Variants in NRXN1 observed in about 807,000 individuals in gnomAD.
NRXN1 encodes the protein neurexin-1.
A neutral mutation model predicts 150.9 loss-of-function variants in NRXN1; 39 were observed. The ratio of observed to expected loss-of-function variants is 0.26; its 90% CI spans 0.20 to 0.34. The LOEUF is 0.34. NRXN1 is among the 10% of genes least tolerant of loss of function. The pLI is 1.00. For synonymous variants in NRXN1, 924 were observed against 757.0 expected (o/e 1.22, Z -3.62); for missense variants, 1,815 against 1,949.9 (o/e 0.93, Z 1.30).
intron 5 of NRXN1, among the ~76,000 whole-genome samples, chr2:50,736,707 AT>A (rs1226105701): frequency 6.6e-6 from 1 of 152,044 alleles, no homozygotes; most frequent in African/African-American, 2.4e-5. Context: ...TTCTGCCATG[AT>A]TGTGAGGCCT....
At chr2:51,026,856 C>G (rs1392445817) in intron 2 of NRXN1, among the ~76,000 whole-genome samples, 2 of 152,142 alleles carry the variant, frequency 1.3e-5, no homozygotes, top group East Asian at 3.9e-4. Context: ...CAACATTATT[C>G]CAAAAAGCCT....
intron 17 of NRXN1, among the ~76,000 whole-genome samples, chr2:50,428,834 T>C (rs994316880): frequency 6.6e-6 from 1 of 152,224 alleles, no homozygotes; most frequent in African/African-American, 2.4e-5. Context: ...CTCTCATGAT[T>C]AAATCCATTT....
intron 18 of NRXN1, among the ~76,000 whole-genome samples, chr2:50,192,613 G>T (rs1178304659): frequency 6.6e-6 from 1 of 151,510 alleles, no homozygotes; most frequent in East Asian, 1.9e-4. Flanking sequence ...TTTTTTTTGG[G>T]GGGGGCGGTG....
chr2:50,008,567 G>C (rs1388596933), intron 21 of NRXN1, among the ~76,000 whole-genome samples: 1 of 150,338 alleles, frequency 6.7e-6, no homozygotes, highest in Non-Finnish European at 1.5e-5. Flanking sequence ...GCATCTTATG[G>C]TTCTTTTTGA....
At chr2:50,918,757 T>C in intron 5 of NRXN1, 1 of 312,048 alleles carries the variant, frequency 3.2e-6, no homozygotes. Flanking sequence ...GGCAAACAGA[T>C]AAACCTAAAT....
chr2:50,884,096 A>G (rs1050872746), intron 5 of NRXN1, among the ~76,000 whole-genome samples: 3 of 151,840 alleles, frequency 2.0e-5, no homozygotes, highest in Non-Finnish European at 4.4e-5. Context: ...ATGTTACTTC[A>G]AAACTTTTGA....
rs1211357810 is a variant in NRXN1 at position 50,643,287 on chromosome 2, T to C, written c.833-19672A>G. Among the ~76,000 whole-genome samples the C allele has an allele frequency of 3.9e-5, 6 of 152,086 alleles. No individual in the cohort carries two copies. In the East Asian group the frequency reaches 1.2e-3, roughly 29 times the overall value. ...CTATTTAAACATTCCAATCCTTTAT[T>C]TTCTCCTCAATAAATTGTAAAAAAA... On this transcript the variant is annotated intron_variant, in intron 5 of 22. Transcript: ENST00000401669.
intron 17 of NRXN1, among the ~76,000 whole-genome samples, chr2:50,287,867 A>T (rs1051717100): frequency 2.0e-5 from 3 of 152,134 alleles, no homozygotes; most frequent in African/African-American, 7.2e-5. Context: ...TATCTTTAAT[A>T]ACCTAGGAAG....
intron 5 of NRXN1, among the ~76,000 whole-genome samples, chr2:50,728,953 AATT>A (rs1357526193): frequency 2.5e-4 from 38 of 152,144 alleles, no homozygotes; most frequent in Non-Finnish European, 1.3e-4. Flanking sequence ...TGCTGGAAGT[AATT>A]ATTATCCATT....
chr2:50,744,243 T>C (rs1197203746), intron 5 of NRXN1, among the ~76,000 whole-genome samples: 1 of 152,020 alleles, frequency 6.6e-6, no homozygotes, highest in Non-Finnish European at 1.5e-5. Flanking sequence ...GTAAAAACAA[T>C]AATATTTTAA....
chr2:50,927,858 G>A (rs764585914), intron 2 of NRXN1, among the ~76,000 whole-genome samples: 3 of 151,810 alleles, frequency 2.0e-5, no homozygotes, highest in Non-Finnish European at 4.4e-5. Flanking sequence ...TTTTGGTAAA[G>A]TGTGGCCTAA....
At chr2:50,295,619 C>G (rs1228762838) in intron 17 of NRXN1, among the ~76,000 whole-genome samples, 2 of 152,166 alleles carry the variant, frequency 1.3e-5, no homozygotes, top group East Asian at 3.9e-4. Flanking sequence ...CAAATGTGGG[C>G]TCTGAATTTT....
At chr2:50,975,504 C>T (rs2104825149) in intron 2 of NRXN1, among the ~76,000 whole-genome samples, 1 of 152,192 alleles carries the variant, frequency 6.6e-6, no homozygotes, top group East Asian at 1.9e-4. Context: ...TCTACTATTT[C>T]CTACTATTCT....
intron 18 of NRXN1, among the ~76,000 whole-genome samples, chr2:50,226,297 T>G (rs2064369814): frequency 6.6e-6 from 1 of 152,030 alleles, no homozygotes; most frequent in African/African-American, 2.4e-5. Context: ...CTTCATAGTT[T>G]AAAAACTTTT....
chr2:49,926,820 A>T (rs1246535953), intron 22 of NRXN1, among the ~76,000 whole-genome samples: 10 of 152,190 alleles, frequency 6.6e-5, no homozygotes, highest in Non-Finnish European at 1.2e-4. Flanking sequence ...ATTTAGATCC[A>T]ATTAAGAAAC....
intron 19 of NRXN1, among the ~76,000 whole-genome samples, chr2:50,077,838 A>C (rs1424557476): frequency 1.3e-5 from 2 of 152,122 alleles, no homozygotes; most frequent in African/African-American, 4.8e-5. Flanking sequence ...AATATAGATA[A>C]TATGCCCAAG....
At chr2:50,260,131 T>A (rs1020074529) in intron 17 of NRXN1, among the ~76,000 whole-genome samples, 1 of 151,852 alleles carries the variant, frequency 6.6e-6, no homozygotes, top group Non-Finnish European at 1.5e-5. Context: ...AGTTAGACAA[T>A]CTGTATCATA....
intron 5 of NRXN1, among the ~76,000 whole-genome samples, chr2:50,838,665 C>T (rs781350727): frequency 2.2e-4 from 33 of 151,978 alleles, no homozygotes; most frequent in Non-Finnish European, 3.4e-4. Flanking sequence ...GAAGACACAC[C>T]GGGAGAAGCT....
At chr2:50,375,882 G>A (rs186153666) in intron 17 of NRXN1, among the ~76,000 whole-genome samples, 53 of 151,908 alleles carry the variant, frequency 3.5e-4, no homozygotes, top group Non-Finnish European at 2.2e-4. Flanking sequence ...ACAATTTTAG[G>A]CTCCGAAATA....
Sources: gnomAD v4.1 joint callset for allele counts (sites outside exome capture counted in the v4.1 genomes callset) on GRCh38, gnomAD v4.1.1 for gene constraint, MANE v1.5 for transcripts, NCBI Gene and HGNC (gene_info 2026-07-23, HGNC 2026-07-21) for gene names.